SPACA6: variants seen among roughly 807,000 people sequenced by gnomAD.
SPACA6 encodes sperm acrosome associated 6.
For synonymous variants in SPACA6, 6 were observed against 1.5 expected (o/e 4.05, Z -2.21); for missense variants, 8 against 2.8 (o/e 2.88, Z -1.34).
At chr19:51,697,738 T>C (rs1231248197) in intron 2 of SPACA6, among the ~76,000 whole-genome samples, 1 of 152,146 alleles carries the variant, frequency 6.6e-6, no homozygotes, top group African/African-American at 2.4e-5. Flanking sequence ...TTTGTATATA[T>C]GTATATATAA....
the SPACA6 span, among the ~76,000 whole-genome samples, chr19:51,683,120 G>A: frequency 1.4e-4 from 21 of 152,292 alleles, no homozygotes; most frequent in Non-Finnish European, 2.2e-4. Flanking sequence ...GTATCAGCAG[G>A]ACCAGCTTCC....
At chr19:51,710,267 T>C (rs2083535972), downstream of SPACA6, among the ~76,000 whole-genome samples, 1 of 152,254 alleles carries the variant, frequency 6.6e-6, no homozygotes, top group Admixed American at 6.5e-5. Context: ...TAATTGTTTC[T>C]ATACTTGCAG....
downstream of SPACA6, among the ~76,000 whole-genome samples, chr19:51,708,995 T>A (rs946105763): frequency 4.6e-5 from 7 of 152,090 alleles, no homozygotes; most frequent in Non-Finnish European, 1.0e-4. Context: ...AGGAAGTGGA[T>A]ACACAGTGAA....
At chr19:51,712,917 G>A (rs1380775718), downstream of SPACA6, among the ~76,000 whole-genome samples, 2 of 152,112 alleles carry the variant, frequency 1.3e-5, no homozygotes, top group Non-Finnish European at 2.9e-5. Context: ...CCGTGAATGA[G>A]TTGAGTAATT....
At chr19:51,711,691 G>A (rs938808471) in intron 2 of SPACA6, among the ~76,000 whole-genome samples, 1 of 152,052 alleles carries the variant, frequency 6.6e-6, no homozygotes, top group African/African-American at 2.4e-5. Context: ...GCCATACTGT[G>A]GACTATTATT....
At chr19:51,705,765 C>T (rs956189594), downstream of SPACA6, among the ~76,000 whole-genome samples, 1 of 152,038 alleles carries the variant, frequency 6.6e-6, no homozygotes, top group African/African-American at 2.4e-5. Flanking sequence ...GATGTGATGT[C>T]AGCTCACTGC....
intron 2 of SPACA6, among the ~76,000 whole-genome samples, chr19:51,695,858 C>G (rs2083427272): frequency 1.3e-5 from 2 of 152,146 alleles, no homozygotes; most frequent in Admixed American, 6.5e-5. Context: ...AGGGCCAGGG[C>G]CAGAGAGTTA....
chr19:51,708,529 G>T (rs1318768165), downstream of SPACA6, among the ~76,000 whole-genome samples: 2 of 151,924 alleles, frequency 1.3e-5, no homozygotes, highest in South Asian at 2.1e-4. Context: ...ATATTTGTGT[G>T]AAGAGTGTTC....
upstream of SPACA6, among the ~76,000 whole-genome samples, chr19:51,691,976 C>T (rs2083377561): frequency 6.6e-6 from 1 of 152,172 alleles, no homozygotes; most frequent in Non-Finnish European, 1.5e-5. Flanking sequence ...GAGGGCACCT[C>T]GCTCTCTGGA....
At chr19:51,700,107 C>T (rs745827548) in intron 2 of SPACA6, among the ~76,000 whole-genome samples, 28 of 151,964 alleles carry the variant, frequency 1.8e-4, no homozygotes, top group Non-Finnish European at 3.2e-4. Context: ...TATAAAAATT[C>T]GCCGAGCATG....
chr19:51,688,687 CAG>C (rs918396995), upstream of SPACA6, among the ~76,000 whole-genome samples: 2 of 151,352 alleles, frequency 1.3e-5, no homozygotes, highest in African/African-American at 4.9e-5. Flanking sequence ...AACAGAGACA[CAG>C]AGACAGGAAG....
chr19:51,701,502 T>G (rs2083468209), intron 2 of SPACA6, among the ~76,000 whole-genome samples, 156 bp from the exon 3 acceptor site: 2 of 150,714 alleles, frequency 1.3e-5, no homozygotes, highest in African/African-American at 4.9e-5. Context: ...ATGAGAGGGG[T>G]GAAGAGGGGC....
downstream of SPACA6, among the ~76,000 whole-genome samples, chr19:51,708,310 C>A (rs1023713388): frequency 2.0e-5 from 3 of 152,136 alleles, no homozygotes; most frequent in Admixed American, 6.5e-5. Flanking sequence ...AAACCAGGGA[C>A]AAACACCAAA....
rs1335011874 is a variant in SPACA6 at position 51,703,017 on chromosome 19, A to T, written c.386-4A>T. On this transcript the variant is annotated splice_polypyrimidine_tract_variant and splice_region_variant and intron_variant, in intron 4 of 8. Transcript: ENST00000637797. This position sits in a 1 kb window ranked among gnomAD's most constrained non-coding sequence, Gnocchi z 4.2. ...CGCCTAGACCCAGCGTTCCCGCTCC[A>T]CAGGTCTCCAGGAGTTCGCCCGGCG... is the stretch of plus-strand genomic sequence containing the variant. The T allele has an allele frequency of 7.5e-6, 3 of 399,122 alleles. No homozygotes were observed. The highest frequency in any genetic ancestry group is 1.3e-5 in the Non-Finnish European group (3 of 226,194). The allele number at this position is 399,122 out of a possible 1,614,324, so 24.7% of individuals were successfully genotyped here.
At chr19:51,685,206 G>T (rs1463078230), upstream of SPACA6, among the ~76,000 whole-genome samples, 2 of 152,186 alleles carry the variant, frequency 1.3e-5, no homozygotes, top group Non-Finnish European at 2.9e-5. Context: ...GTTCCAAGAG[G>T]TAATAATAGT....
chr19:51,691,813 A>C (rs1297186242), upstream of SPACA6, among the ~76,000 whole-genome samples: 2 of 66,540 alleles, frequency 3.0e-5, no homozygotes, highest in African/African-American at 6.0e-5. Context: ...AGGGGTGGGG[A>C]GGGTGGGTGC....
rs2083489339 is a variant in SPACA6, at chr19:51,703,775, G to A, written c.574-255G>A. 6.6e-6 allele frequency among the ~76,000 whole-genome samples: 1 copy of A among 152,086 alleles called. No homozygotes were observed. Among genetic ancestry groups the A allele is most frequent in the South Asian group, 2.1e-4 (1 of 4,828 alleles). On this transcript the variant is annotated intron_variant, in intron 6 of 8. Coordinates refer to ENST00000637797, the MANE Select transcript of SPACA6 (RefSeq NM_001316972.2). The surrounding 1 kb of genome is among the most constrained non-coding windows in gnomAD (Gnocchi z 4.2). ...ATCGCGCCACTGCACTGCAGCCTGG[G>A]CGCCAGAACGAGACCCTGTCTGGAA... is the stretch of plus-strand genomic sequence containing the variant.
intron 2 of SPACA6, among the ~76,000 whole-genome samples, chr19:51,699,690 T>C (rs1022955568): frequency 1.3e-5 from 2 of 152,154 alleles, no homozygotes; most frequent in Non-Finnish European, 2.9e-5. Flanking sequence ...AGGACACCAA[T>C]CATACTGCAT....
chr19:51,693,982 G>A (rs113291487), intron 1 of SPACA6: 2 of 296,918 alleles, frequency 6.7e-6, no homozygotes, highest in Non-Finnish European at 5.8e-6. Context: ...ACTCAGAGAG[G>A]GGGAGGATGG....
Sources: allele counts gnomAD v4.1 joint callset (sites outside exome capture counted in the v4.1 genomes callset), GRCh38; gene constraint gnomAD v4.1.1; non-coding constraint Gnocchi (gnomAD v3.1); transcripts MANE v1.5; gene names NCBI Gene and HGNC (gene_info 2026-07-23, HGNC 2026-07-21).